Variants in NBAS observed in about 807,000 individuals in gnomAD.
The protein encoded by NBAS is NBAS subunit of NRZ tethering complex, also known as NAG/BC035112 fusion.
A neutral mutation model predicts 302.5 loss-of-function variants in NBAS; 219 were observed. The observed-to-expected ratio is 0.72, with a 90% CI of 0.65 to 0.81. The LOEUF (loss-of-function observed/expected upper bound fraction) is 0.81. Ranked by LOEUF, NBAS falls within the 30% of genes least tolerant of loss-of-function variation. The pLI is 0.00. For synonymous variants in NBAS, 1,118 were observed against 1,021.6 expected, an observed-to-expected ratio of 1.09 and a Z score of -1.80; for missense variants, 2,932 against 2,841.6, an observed-to-expected ratio of 1.03 and a Z score of -0.72.
the NBAS span, among the ~76,000 whole-genome samples, chr2:14,966,397 A>T: frequency 4.6e-5 from 7 of 152,340 alleles, no homozygotes; most frequent in South Asian, 6.2e-4. Context: ...TCATCTATTC[A>T]TCCTTCAGTA....
chr2:15,128,484 C>T, the NBAS span, among the ~76,000 whole-genome samples: 6 of 152,140 alleles, frequency 3.9e-5, no homozygotes, highest in African/African-American at 1.2e-4. Flanking sequence ...GAAGCAGGTA[C>T]AATCTCTTGC....
chr2:15,467,695 G>C lies in NBAS; in HGVS notation c.1987C>G (p.Gln663Glu). The part of the protein sequence containing the change: ...NKKEKELKKR[Q>E]ELLKLVNFSK... ...AAGTTCACTAATTTCAGTAGTTCTT[G>C]TCTCTTCTTGAGCTCCTTTTCCTTT... The change falls in exon 18 of 52, where the codon CAA (glutamine) becomes GAA (glutamate). Residue 663 changes from glutamine to glutamate, a missense_variant. Gln to Glu is a conservative substitution (Grantham distance 29, BLOSUM62 2). Transcript: ENST00000281513. 6.2e-7 allele frequency: 1 copy of C among 1,612,706 alleles called. No homozygotes were observed.
intron 21 of NBAS, among the ~76,000 whole-genome samples, chr2:15,433,995 C>G (rs1482380808): frequency 6.6e-6 from 1 of 151,694 alleles, no homozygotes; most frequent in Non-Finnish European, 1.5e-5. Context: ...GGGAAGCTGT[C>G]ACAGGCCTGT....
intron 10 of NBAS, 86 bp from the exon 11 acceptor site, chr2:15,504,299 T>C (rs556003133): frequency 1.8e-4 from 186 of 1,033,018 alleles, no homozygotes; most frequent in Non-Finnish European, 2.7e-4. Context: ...ATGAAAACTA[T>C]AGCAAATCTA....
chr2:15,014,836 C>A, the NBAS span, among the ~76,000 whole-genome samples: 1 of 151,340 alleles, frequency 6.6e-6, no homozygotes. Flanking sequence ...TATAGATGAT[C>A]AATGAAACAA....
At chr2:14,961,066 G>A in the NBAS span, among the ~76,000 whole-genome samples, 3 of 152,084 alleles carry the variant, frequency 2.0e-5, no homozygotes, top group Non-Finnish European at 2.9e-5. Context: ...AGCTGGCCTG[G>A]AATTCCTCTT....
chr2:15,132,042 G>A, the NBAS span, among the ~76,000 whole-genome samples: 5 of 152,136 alleles, frequency 3.3e-5, no homozygotes, highest in Admixed American at 2.0e-4. Context: ...AGATTTGGCC[G>A]AGACATATAT....
the NBAS span, among the ~76,000 whole-genome samples, chr2:14,821,112 G>C: frequency 6.6e-6 from 1 of 152,052 alleles, no homozygotes; most frequent in African/African-American, 2.4e-5. Flanking sequence ...ATTTTTAGTA[G>C]AGACGGGGTT....
chr2:15,440,429 C>T (rs949170141), intron 21 of NBAS, among the ~76,000 whole-genome samples: 2 of 152,188 alleles, frequency 1.3e-5, no homozygotes, highest in African/African-American at 2.4e-5. Context: ...CAAACTCCAA[C>T]AGACCTGCAG....
the NBAS span, among the ~76,000 whole-genome samples, chr2:14,909,279 CA>C: frequency 6.8e-6 from 1 of 146,558 alleles, no homozygotes; most frequent in Non-Finnish European, 1.5e-5. Flanking sequence ...GGGATTGTGC[CA>C]CTGCACTCCG....
At chr2:15,240,446 CAAAAAAAAAA>C (rs1175235771) in intron 44 of NBAS, among the ~76,000 whole-genome samples, 1 of 75,350 alleles carries the variant, frequency 1.3e-5, no homozygotes, top group Non-Finnish European at 3.1e-5. Flanking sequence ...ACTAAAAATA[CAAAAAAAAAA>C]AAAAAAAAAA....
chr2:14,843,658 G>A, the NBAS span, among the ~76,000 whole-genome samples: 1 of 151,838 alleles, frequency 6.6e-6, no homozygotes, highest in South Asian at 2.1e-4. Flanking sequence ...ACTGAAAGAG[G>A]AACTGGAAGA....
At chr2:15,042,909 G>T in the NBAS span, among the ~76,000 whole-genome samples, 15 of 152,176 alleles carry the variant, frequency 9.9e-5, no homozygotes, top group Non-Finnish European at 2.1e-4. Context: ...CAATGACTTT[G>T]CATGGTTCCT....
the NBAS span, among the ~76,000 whole-genome samples, chr2:14,863,893 G>A: frequency 6.6e-6 from 1 of 152,218 alleles, no homozygotes; most frequent in African/African-American, 2.4e-5. Flanking sequence ...ACCAGAAGTA[G>A]AATCTTGATC....
the NBAS span, among the ~76,000 whole-genome samples, chr2:15,074,698 T>C: frequency 6.6e-6 from 1 of 152,076 alleles, no homozygotes; most frequent in African/African-American, 2.4e-5. Flanking sequence ...AATAAAGATC[T>C]GTGTGGGAAA....
chr2:14,805,785 T>A, the NBAS span, among the ~76,000 whole-genome samples: 1 of 152,184 alleles, frequency 6.6e-6, no homozygotes, highest in African/African-American at 2.4e-5. Context: ...CTGCCTGGAC[T>A]TTTATTGACT....
chr2:14,937,152 G>C, the NBAS span, among the ~76,000 whole-genome samples: 4 of 152,178 alleles, frequency 2.6e-5, no homozygotes, highest in Non-Finnish European at 5.9e-5. Context: ...AGACTTTGCT[G>C]GTCAAGCCCC....
the NBAS span, among the ~76,000 whole-genome samples, chr2:14,992,760 G>A: frequency 2.3e-3 from 346 of 152,234 alleles, 2 homozygotes; most frequent in African/African-American, 8.1e-3. Flanking sequence ...GCTTTCAGGT[G>A]TGCAATTTGC....
chr2:15,200,809 T>G (rs1005416765), intron 48 of NBAS, among the ~76,000 whole-genome samples: 6 of 152,222 alleles, frequency 3.9e-5, no homozygotes, highest in Admixed American at 3.3e-4. Flanking sequence ...AGTCACCTAT[T>G]ATCAGTAGAA....
Sources: allele counts gnomAD v4.1 joint callset (sites outside exome capture counted in the v4.1 genomes callset), GRCh38; gene constraint gnomAD v4.1.1; transcripts MANE v1.5; gene names NCBI Gene and HGNC (gene_info 2026-07-23, HGNC 2026-07-21).